Variants in PRKG1 observed in about 807,000 individuals in gnomAD.
PRKG1 encodes the protein protein kinase cGMP-dependent 1, also known as cGMP-dependent protein kinase 1.
PRKG1 carries 35 observed loss-of-function variants against 88.1 expected under a neutral mutation model. The observed-to-expected ratio is 0.40, with a 90% CI of 0.30 to 0.53. The LOEUF is 0.53. Among genes scored for constraint, PRKG1 ranks in the 20% least tolerant of loss-of-function variants. The pLI is 0.59. For missense variants in PRKG1, 540 were observed against 839.8 expected (o/e 0.64, Z 4.41); for synonymous variants, 303 against 292.5 (o/e 1.04, Z -0.37).
chr10:51,273,143 G>A (rs1450114889), intron 2 of PRKG1, among the ~76,000 whole-genome samples: 1 of 152,140 alleles, frequency 6.6e-6, no homozygotes, highest in Non-Finnish European at 1.5e-5. Flanking sequence ...CACATTTGAT[G>A]TTTGTAGAAG....
intron 5 of PRKG1, among the ~76,000 whole-genome samples, chr10:51,944,642 C>T (rs1027525856): frequency 3.9e-5 from 6 of 152,000 alleles, no homozygotes; most frequent in Non-Finnish European, 8.8e-5. Flanking sequence ...CCCAGAGATT[C>T]TGGTATGTTG....
intron 4 of PRKG1, among the ~76,000 whole-genome samples, chr10:51,898,529 T>TAA: frequency 1.3e-5 from 2 of 152,080 alleles, no homozygotes; most frequent in African/African-American, 2.4e-5. Flanking sequence ...CAACAATTTT[T>TAA]TTCCAATATT....
chr10:51,585,277 C>T (rs563690645), intron 3 of PRKG1, among the ~76,000 whole-genome samples: 2 of 152,094 alleles, frequency 1.3e-5, no homozygotes, highest in Non-Finnish European at 2.9e-5. Flanking sequence ...AAGGTAGGAT[C>T]ATGCTCCTTT....
intron 3 of PRKG1, among the ~76,000 whole-genome samples, chr10:51,652,624 CAAAT>C (rs1287339841): frequency 2.0e-5 from 3 of 151,886 alleles, no homozygotes; most frequent in African/African-American, 4.8e-5. Flanking sequence ...TTTTAATTGA[CAAAT>C]AATTGTATAT....
chr10:51,765,889 G>A (rs1029226313), intron 3 of PRKG1, among the ~76,000 whole-genome samples: 1 of 150,750 alleles, frequency 6.6e-6, no homozygotes, highest in African/African-American at 2.4e-5. Flanking sequence ...AGGCAGGCTG[G>A]CTTAAAACAC....
intron 2 of PRKG1, among the ~76,000 whole-genome samples, chr10:51,420,985 C>T (rs10822956): frequency 0.097 from 14,711 of 152,180 alleles, 930 homozygotes; most frequent in Admixed American, 0.2. Context: ...GAGGGATCTT[C>T]CCCCATGATC....
chr10:51,406,091 C>T (rs1397716876), intron 2 of PRKG1, among the ~76,000 whole-genome samples: 3 of 152,144 alleles, frequency 2.0e-5, no homozygotes, highest in Non-Finnish European at 4.4e-5. Context: ...CTCTACTTCT[C>T]CAGTTAGGCC....
At chr10:51,730,377 T>G (rs1042307190) in intron 3 of PRKG1, among the ~76,000 whole-genome samples, 3 of 152,178 alleles carry the variant, frequency 2.0e-5, no homozygotes, top group Non-Finnish European at 2.9e-5. Context: ...CAATTGAAAA[T>G]GTAGTTTGAC....
chr10:51,913,616 C>CA (rs1180298903), intron 5 of PRKG1, among the ~76,000 whole-genome samples: 1 of 152,088 alleles, frequency 6.6e-6, no homozygotes, highest in Non-Finnish European at 1.5e-5. Context: ...GTTTCTTGGT[C>CA]AAAAATCTGT....
Position 51,690,491 on chromosome 10 carries a change from T to C in PRKG1, c.593-114094T>C, listed in dbSNP as rs369387260. 9.2e-5 allele frequency among the ~76,000 whole-genome samples: 14 copies of C among 152,196 alleles called. No homozygotes were observed. The East Asian group carries it at 1.2e-3, about 13-fold the overall frequency. On this transcript the variant is annotated intron_variant, in intron 3 of 17. Coordinates refer to ENST00000373980, the MANE Select transcript of PRKG1 (RefSeq NM_006258.4). ...TGTGCCTGTTATATGAAAGTTTATA[T>C]AGTGGGTCATTTTCTATAATCTACA...
At chr10:51,297,979 A>G (rs917613582) in intron 2 of PRKG1, among the ~76,000 whole-genome samples, 2 of 152,128 alleles carry the variant, frequency 1.3e-5, no homozygotes, top group African/African-American at 2.4e-5. Context: ...ATATTTATAT[A>G]AAGAGATGTA....
At chr10:52,033,713 G>A (rs994068672) in intron 5 of PRKG1, among the ~76,000 whole-genome samples, 10 of 152,132 alleles carry the variant, frequency 6.6e-5, no homozygotes, top group African/African-American at 2.4e-4. Flanking sequence ...GTGCAGGAGT[G>A]TTTCTAGGGC....
At chr10:51,852,325 T>C (rs1478909370) in intron 4 of PRKG1, among the ~76,000 whole-genome samples, 3 of 150,942 alleles carry the variant, frequency 2.0e-5, no homozygotes, top group Non-Finnish European at 4.4e-5. Flanking sequence ...TGTGTGTATA[T>C]ATATACATAT....
chr10:52,090,067 C>T lies in PRKG1; in HGVS notation c.935+27436C>T, dbSNP rs536408927. 2.6e-5 allele frequency among the ~76,000 whole-genome samples: 4 copies of T among 152,112 alleles called. No individual in the cohort carries two copies. The South Asian group carries it at 8.3e-4, about 32-fold the overall frequency. The stretch of plus-strand genomic sequence containing the variant: ...TGACCTCGTGATCCACCTGCCTTGC[C>T]CTCTCAAAGTGTTGGGATTACAGGC... On this transcript the variant is annotated intron_variant, in intron 7 of 17. Coordinates refer to ENST00000373980, the MANE Select transcript of PRKG1 (RefSeq NM_006258.4).
chr10:51,930,495 C>T (rs866262756), intron 5 of PRKG1, among the ~76,000 whole-genome samples: 4,723 of 104,548 alleles, frequency 0.045, 156 homozygotes, highest in Non-Finnish European at 0.064. Flanking sequence ...TTTTTTTCCT[C>T]TTTTTTTTTT....
At chr10:51,405,195 G>A (rs984279690) in intron 2 of PRKG1, among the ~76,000 whole-genome samples, 1 of 152,154 alleles carries the variant, frequency 6.6e-6, no homozygotes, top group African/African-American at 2.4e-5. Context: ...ACAATTTACT[G>A]TACAGATGCT....
At chr10:51,373,376 G>C (rs1358022882) in intron 2 of PRKG1, among the ~76,000 whole-genome samples, 1 of 152,126 alleles carries the variant, frequency 6.6e-6, no homozygotes, top group East Asian at 1.9e-4. Context: ...TCTCACCTAA[G>C]GTTTGATAAG....
chr10:51,111,933 T>G (rs1844989527), intron 1 of PRKG1, among the ~76,000 whole-genome samples: 1 of 152,176 alleles, frequency 6.6e-6, no homozygotes, highest in Admixed American at 6.6e-5. Flanking sequence ...GGGGTGCTAC[T>G]TCTTGCCATG....
At chr10:51,671,084 A>G (rs1313620640) in intron 3 of PRKG1, among the ~76,000 whole-genome samples, 2 of 152,124 alleles carry the variant, frequency 1.3e-5, no homozygotes, top group African/African-American at 4.8e-5. Context: ...TCTAAAGTAT[A>G]TTTTTAGAAG....
Sources: allele counts gnomAD v4.1 joint callset (sites outside exome capture counted in the v4.1 genomes callset), GRCh38; gene constraint gnomAD v4.1.1; transcripts MANE v1.5; gene names NCBI Gene and HGNC (gene_info 2026-07-23, HGNC 2026-07-21).